The following ARHGEF37 variants were observed in gnomAD, a reference collection of about 807,000 sequenced individuals.
The protein encoded by ARHGEF37 is Rho guanine nucleotide exchange factor (GEF) 37.
In ARHGEF37, 55 loss-of-function variants were observed where a neutral mutation model predicts 71.1. That is an observed-to-expected ratio of 0.77 (90% CI 0.62 to 0.97). ARHGEF37 has a LOEUF of 0.97. Ranked by LOEUF, ARHGEF37 falls within the 50% of genes least tolerant of loss-of-function variation. The pLI is 0.00. For missense variants in ARHGEF37, 765 were observed against 836.8 expected (o/e 0.91, Z 1.06); for synonymous variants, 327 against 350.6 (o/e 0.93, Z 0.75).
intron 1 of ARHGEF37, among the ~76,000 whole-genome samples, chr5:149,556,475 C>A (rs1236205230): frequency 2.0e-5 from 3 of 152,108 alleles, no homozygotes; most frequent in Non-Finnish European, 4.4e-5. Context: ...GCAACCTTCG[C>A]CTCCCAGGTT....
At chr5:149,615,596 AG>A (rs1245888812) in intron 4 of ARHGEF37, among the ~76,000 whole-genome samples, 1 of 152,196 alleles carries the variant, frequency 6.6e-6, no homozygotes, top group Non-Finnish European at 1.5e-5. Flanking sequence ...CGTGATTTTA[AG>A]AACATTTTTT....
chr5:149,626,811 A>C (rs1354136120), intron 10 of ARHGEF37: 1 of 323,390 alleles, frequency 3.1e-6, no homozygotes, highest in African/African-American at 2.1e-5. Context: ...CAATCCTAGG[A>C]GTTCAGTAAC....
upstream of ARHGEF37, among the ~76,000 whole-genome samples, chr5:149,580,990 T>C (rs1763093764): frequency 6.6e-6 from 1 of 152,072 alleles, no homozygotes; most frequent in African/African-American, 2.4e-5. Flanking sequence ...TTGCTCCCAG[T>C]AGAGTGAAAG....
At chr5:149,593,583 A>T (rs1763469079) in intron 1 of ARHGEF37, among the ~76,000 whole-genome samples, 1 of 152,202 alleles carries the variant, frequency 6.6e-6, no homozygotes, top group Non-Finnish European at 1.5e-5. Flanking sequence ...CTCACCAAAA[A>T]CTTAACTACT....
intron 1 of ARHGEF37, among the ~76,000 whole-genome samples, chr5:149,582,318 A>T (rs1763125674): frequency 6.6e-6 from 1 of 152,234 alleles, no homozygotes; most frequent in African/African-American, 2.4e-5. Flanking sequence ...TGCTGTAAGG[A>T]ATGCCTGCAG....
rs1763107001 is a variant in ARHGEF37 at position 149,581,570 on chromosome 5, T to C, written c.-66T>C. 1 of 152,046 alleles carries C rather than the reference T, an allele frequency of 6.6e-6. No individual in the cohort carries two copies. 9.4% of individuals were successfully genotyped at this position (152,046 alleles called of 1,614,324 possible). A position where few individuals can be genotyped will look rare whatever the true frequency, so the allele number is the denominator to read the frequency against. ...GCCCCTCCTGCCCCGGCTGCGCTGT[T>C]GCCCGGGCGGCCGACCTCCGTGCGT... On this transcript the variant is annotated 5_prime_UTR_variant, in exon 1 of 13. Coordinates refer to ENST00000333677, the MANE Select transcript of ARHGEF37 (RefSeq NM_001001669.3).
chr5:149,557,210 C>T (rs1580877601), intron 1 of ARHGEF37, among the ~76,000 whole-genome samples: 1 of 152,120 alleles, frequency 6.6e-6, no homozygotes, highest in South Asian at 2.1e-4. Context: ...GGAACAGAAA[C>T]CAAGATGGTG....
chr5:149,591,123 C>A (rs1316633378), intron 1 of ARHGEF37, among the ~76,000 whole-genome samples: 1 of 149,890 alleles, frequency 6.7e-6, no homozygotes, highest in African/African-American at 2.5e-5. Flanking sequence ...GTGGCACAAT[C>A]ATGGCCATGC....
intron 1 of ARHGEF37, among the ~76,000 whole-genome samples, chr5:149,558,640 G>A (rs117363452): frequency 0.024 from 3,659 of 151,978 alleles, 78 homozygotes; most frequent in East Asian, 0.09. Flanking sequence ...ACAGGCGTGA[G>A]CCACTGTGCC....
intron 10 of ARHGEF37, among the ~76,000 whole-genome samples, chr5:149,626,241 AACACACACACACACACACACACACAC>A (rs58263212): frequency 7.5e-6 from 1 of 133,636 alleles, no homozygotes; most frequent in Non-Finnish European, 1.6e-5. Context: ...GAGCATGGTG[AACACACACACACACACACACACACAC>A]ACACACACAC....
In ARHGEF37 at chr5:149,632,163, T is replaced by C. The variant is rs1752904158; in HGVS notation, c.2000T>C (p.Val667Ala). The C allele has an allele frequency of 2.5e-6, 4 of 1,614,036 alleles. No homozygotes were observed. Among genetic ancestry groups the C allele is most frequent in the Non-Finnish European group, 3.4e-6 (4 of 1,180,038 alleles). ...SGFLARARSP[V>A]LWGWSLPS is the part of the protein sequence containing the mutation. ...TTCTTGGCCAGGGCTCGGAGCCCAG[T>C]TCTGTGGGGCTGGAGTCTGCCCTCT... The change falls in exon 13 of 13, where the codon GTT (valine) becomes GCT (alanine). Residue 667 changes from valine (V) to alanine (A), a missense_variant. Physicochemically the swap from Val to Ala is moderately conservative, Grantham distance 64 (BLOSUM62 0). This residue lies in a region of ARHGEF37 where 390 missense variants were observed against 407.4 expected (regional missense o/e 0.96). Coordinates refer to ENST00000333677, the MANE Select transcript of ARHGEF37 (RefSeq NM_001001669.3).
chr5:149,563,946 A>ATTTTTTT (rs570750342), intron 1 of ARHGEF37, among the ~76,000 whole-genome samples: 4 of 124,860 alleles, frequency 3.2e-5, no homozygotes, highest in Admixed American at 8.2e-5. Flanking sequence ...ATTAGTTTAA[A>ATTTTTTT]TTTTTTTTTT....
At position 149,607,755 on chromosome 5, in the gene ARHGEF37, CTTTTTTTTTTTTTTTT is replaced by C. The variant is rs67079479; in HGVS notation, c.311-1783_311-1768del. ...GGTGGGGAGAATTATAAAGAAACTT[CTTTTTTTTTTTTTTTT>C]TTTTTTTTTGAGATGGAGTCTTGCT... On this transcript the variant is annotated intron_variant, in intron 3 of 12. Coordinates refer to ENST00000333677, the MANE Select transcript of ARHGEF37 (RefSeq NM_001001669.3). Among the ~76,000 whole-genome samples, 6 of 83,094 alleles carry C rather than the reference CTTTTTTTTTTTTTTTT, an allele frequency of 7.2e-5. No individual in the cohort carries two copies. The East Asian group carries it at 1.7e-3, about 23-fold the overall frequency. 54.5% of individuals were successfully genotyped at this position (83,094 alleles called of 152,430 possible). A position where few individuals can be genotyped will look rare whatever the true frequency, so the allele number is the denominator to read the frequency against.
chr5:149,598,785 G>GATATAGAT (rs1175930633), intron 2 of ARHGEF37, among the ~76,000 whole-genome samples: 2 of 143,158 alleles, frequency 1.4e-5, no homozygotes, highest in African/African-American at 5.3e-5. Context: ...TAGATATATA[G>GATATAGAT]ATATAGATAT....
chr5:149,627,659 A>G (rs1752733099), intron 11 of ARHGEF37, among the ~76,000 whole-genome samples: 1 of 152,184 alleles, frequency 6.6e-6, no homozygotes, highest in Non-Finnish European at 1.5e-5. Flanking sequence ...GACCCTGGCT[A>G]CACCGCCAGA....
chr5:149,581,211 T>G (rs1439593674), upstream of ARHGEF37, among the ~76,000 whole-genome samples: 1 of 152,164 alleles, frequency 6.6e-6, no homozygotes, highest in African/African-American at 2.4e-5. Flanking sequence ...GTGGCCTAAA[T>G]GCCGGCTCCT....
intron 1 of ARHGEF37, among the ~76,000 whole-genome samples, chr5:149,564,867 G>A (rs1762880945): frequency 6.6e-6 from 1 of 152,138 alleles, no homozygotes; most frequent in Admixed American, 6.5e-5. Flanking sequence ...TAGATCCCAT[G>A]GTATGGCACA....
At chr5:149,570,663 G>A (rs1194890148) in intron 1 of ARHGEF37, among the ~76,000 whole-genome samples, 2 of 151,702 alleles carry the variant, frequency 1.3e-5, no homozygotes, top group African/African-American at 4.8e-5. Context: ...GGATCACGAG[G>A]TCAGGAGTTC....
chr5:149,598,061 C>CGT (rs1319413465), intron 2 of ARHGEF37, 106 bp downstream of exon 2: 28 of 1,345,682 alleles, frequency 2.1e-5, no homozygotes, highest in Non-Finnish European at 2.6e-5. Context: ...AGAAAGGAAG[C>CGT]GTGGTAGATG....
Sources: allele counts gnomAD v4.1 joint callset (sites outside exome capture counted in the v4.1 genomes callset), GRCh38; gene constraint gnomAD v4.1.1; regional missense constraint gnomAD v4.1.1; transcripts MANE v1.5; gene names NCBI Gene and HGNC (gene_info 2026-07-23, HGNC 2026-07-21).